Variants in SLCO5A1 observed in about 807,000 individuals in gnomAD.
SLCO5A1 encodes the protein solute carrier organic anion transporter family member 5A1.
A neutral mutation model predicts 65.1 loss-of-function variants in SLCO5A1; 39 were observed. The observed-to-expected ratio is 0.60, with a 90% CI of 0.46 to 0.78. The LOEUF is 0.78. Ranked by LOEUF, SLCO5A1 falls within the 30% of genes least tolerant of loss-of-function variation. The pLI, the probability that SLCO5A1 is intolerant of heterozygous loss-of-function variation, is 0.00. For missense variants in SLCO5A1, 1,029 were observed against 1,069.4 expected, an observed-to-expected ratio of 0.96 and a Z score of 0.53; for synonymous variants, 438 against 415.7, an observed-to-expected ratio of 1.05 and a Z score of -0.65.
intron 4 of SLCO5A1, among the ~76,000 whole-genome samples, chr8:69,749,937 G>A (rs1233307509): frequency 6.6e-6 from 1 of 152,106 alleles, no homozygotes; most frequent in Non-Finnish European, 1.5e-5. Flanking sequence ...CACTGATAAG[G>A]GGCCACGTGA....
chr8:69,784,252 A>G (rs1040236977), intron 2 of SLCO5A1, among the ~76,000 whole-genome samples: 8 of 152,244 alleles, frequency 5.3e-5, no homozygotes, highest in African/African-American at 1.9e-4. Flanking sequence ...GGACAGTTGT[A>G]TCACCAAAGA....
At chr8:69,783,771 C>A (rs145677609) in intron 2 of SLCO5A1, among the ~76,000 whole-genome samples, 5 of 151,972 alleles carry the variant, frequency 3.3e-5, no homozygotes, top group African/African-American at 1.2e-4. Context: ...GGGCCATGCC[C>A]CTTCCTAAAA....
chr8:69,790,820 AGACTGCT>A (rs1242351132), intron 2 of SLCO5A1, among the ~76,000 whole-genome samples: 1 of 152,192 alleles, frequency 6.6e-6, no homozygotes, highest in Non-Finnish European at 1.5e-5. Flanking sequence ...TGGTAAAGGG[AGACTGCT>A]GACATTCTGA....
intron 6 of SLCO5A1, among the ~76,000 whole-genome samples, chr8:69,683,160 C>T (rs1369531193): frequency 3.3e-5 from 5 of 152,034 alleles, no homozygotes; most frequent in East Asian, 1.9e-4. Flanking sequence ...AAACAAACAG[C>T]GGTGGAAGAG....
chr8:69,667,706 C>G lies in SLCO5A1; in HGVS notation c.*5163G>C, dbSNP rs1369203612. 1 of 152,184 alleles carries G rather than the reference C, an allele frequency of 6.6e-6. No individual in the cohort carries two copies. Among genetic ancestry groups the G allele is most frequent in the Non-Finnish European group, 1.5e-5 (1 of 68,034 alleles). The allele number at this position is 152,184 out of a possible 1,614,324, so 9.4% of individuals were successfully genotyped here. ...AAACCCCAGTGTTAAAAATACCTTA[C>G]ATGGGTGTAATCTTTTTGGAGAAGA... On this transcript the variant is annotated 3_prime_UTR_variant, in exon 10 of 10. Coordinates refer to ENST00000260126, the MANE Select transcript of SLCO5A1 (RefSeq NM_030958.3).
chr8:69,818,414 G>A (rs374915772), intron 2 of SLCO5A1, among the ~76,000 whole-genome samples: 47 of 152,290 alleles, frequency 3.1e-4, no homozygotes, highest in East Asian at 2.1e-3. Context: ...TCAAAGCCAG[G>A]TTTATAGAAA....
Position 69,692,014 on chromosome 8 carries a change from C to T in SLCO5A1, c.1623-9671G>A, listed in dbSNP as rs539166531. 5.9e-5 allele frequency among the ~76,000 whole-genome samples: 9 copies of T among 152,240 alleles called. No individual in the cohort carries two copies. In the South Asian group the frequency reaches 8.3e-4, roughly 14 times the overall value. ...CTGTAATCCCAGCACTTTGGGAGGCCGAGGTGGGCAGATCACAAGGTCAGG... is the reference window on the plus strand; with the variant it reads ...CTGTAATCCCAGCACTTTGGGAGGCTGAGGTGGGCAGATCACAAGGTCAGG... On this transcript the variant is annotated intron_variant, in intron 6 of 9. Transcript: ENST00000260126.
At chr8:69,809,129 A>G (rs889595466) in intron 2 of SLCO5A1, among the ~76,000 whole-genome samples, 2 of 152,158 alleles carry the variant, frequency 1.3e-5, no homozygotes, top group Non-Finnish European at 2.9e-5. Flanking sequence ...AAAAGAATTC[A>G]TAATAAAGCA....
At chr8:69,695,249 C>A (rs1426185116) in intron 6 of SLCO5A1, among the ~76,000 whole-genome samples, 1 of 152,146 alleles carries the variant, frequency 6.6e-6, no homozygotes, top group East Asian at 1.9e-4. Context: ...AATCCCAGCA[C>A]TTTGGGAGGC....
At chr8:69,722,124 A>T (rs1015430137) in intron 5 of SLCO5A1, among the ~76,000 whole-genome samples, 1 of 152,120 alleles carries the variant, frequency 6.6e-6, no homozygotes, top group Non-Finnish European at 1.5e-5. Context: ...GTGAGCTGAG[A>T]TCTACCACTG....
In SLCO5A1 at chr8:69,799,295, C is replaced by G. The variant is rs541351813; in HGVS notation, c.907+32472G>C. 1.9e-4 allele frequency among the ~76,000 whole-genome samples: 29 copies of G among 152,166 alleles called. No individual in the cohort carries two copies. The East Asian group carries it at 3.9e-3, about 20-fold the overall frequency. ...TGTATGAAAAGAAGAAGATATTTCC[C>G]ACAAATAAAAAGAAATATCCCACAA... On this transcript the variant is annotated intron_variant, in intron 2 of 9. Transcript: ENST00000260126.
intron 5 of SLCO5A1, among the ~76,000 whole-genome samples, chr8:69,723,499 T>C (rs1415203077): frequency 2.0e-5 from 3 of 151,736 alleles, no homozygotes; most frequent in Admixed American, 1.3e-4. Flanking sequence ...CATACTCCAG[T>C]CTCGGCCTCC....
At chr8:69,681,699 A>C (rs1287977286) in intron 7 of SLCO5A1, among the ~76,000 whole-genome samples, 5 of 152,196 alleles carry the variant, frequency 3.3e-5, no homozygotes, top group Admixed American at 1.3e-4. Flanking sequence ...TTGAACTGTC[A>C]GAAATATCTT....
At chr8:69,806,280 C>A (rs1353946480) in intron 2 of SLCO5A1, among the ~76,000 whole-genome samples, 3 of 152,198 alleles carry the variant, frequency 2.0e-5, no homozygotes, top group Non-Finnish European at 4.4e-5. Context: ...TATTTAAGCA[C>A]CCCTCCCCAA....
intron 8 of SLCO5A1, among the ~76,000 whole-genome samples, chr8:69,679,058 T>C (rs753917282): frequency 2.0e-5 from 3 of 152,226 alleles, no homozygotes; most frequent in Admixed American, 6.5e-5. Context: ...GACAGAGTGA[T>C]GACTTTCAAC....
intron 8 of SLCO5A1, among the ~76,000 whole-genome samples, chr8:69,677,134 A>G (rs1180583123): frequency 6.6e-6 from 1 of 152,206 alleles, no homozygotes; most frequent in Non-Finnish European, 1.5e-5. Context: ...CCAAAACAGG[A>G]AGAAAGAAGA....
rs749300668 is a variant in SLCO5A1 at position 69,831,861 on chromosome 8, C to A, written c.813G>T (p.Gln271His). The part of the protein sequence containing the change: ...WVYVALFICA[Q>H]ILIGMGSTPI... ...GTGTGGAGCCCATTCCAATGAGAAT[C>A]TGCGCGCAAATGAATAAAGCCACGT... Residue 271 changes from glutamine to histidine, a missense_variant, in exon 2 of 10, where the codon CAG becomes CAT. Around this residue, in one of 3 missense-constraint regions of SLCO5A1, gnomAD observed 647 missense variants for 647.5 expected, o/e 1.00. Coordinates refer to ENST00000260126, the MANE Select transcript of SLCO5A1 (RefSeq NM_030958.3). The A allele has an allele frequency of 6.2e-7, 1 of 1,613,864 alleles. No individual in the cohort carries two copies.
chr8:69,736,140 T>C (rs1032742803), intron 5 of SLCO5A1, among the ~76,000 whole-genome samples: 2 of 152,220 alleles, frequency 1.3e-5, no homozygotes, highest in Non-Finnish European at 2.9e-5. Context: ...AACTCTGACA[T>C]TGGAGCATGG....
chr8:69,782,579 C>CAAAA (rs773987113), intron 2 of SLCO5A1, among the ~76,000 whole-genome samples: 3 of 53,982 alleles, frequency 5.6e-5, no homozygotes, highest in African/African-American at 1.3e-4. Context: ...GACCCTGTCT[C>CAAAA]AAAAAAAAAA....
Sources: gnomAD v4.1 joint callset for allele counts (sites outside exome capture counted in the v4.1 genomes callset) on GRCh38, gnomAD v4.1.1 for gene constraint, gnomAD v4.1.1 regional missense constraint, MANE v1.5 for transcripts, NCBI Gene and HGNC (gene_info 2026-07-23, HGNC 2026-07-21) for gene names.